Variants in CCDC148 observed in about 807,000 individuals in gnomAD.
CCDC148 encodes coiled-coil domain containing 148.
A neutral mutation model predicts 85.7 loss-of-function variants in CCDC148; 89 were observed. That is an observed-to-expected ratio of 1.04 (90% CI 0.87 to 1.24). CCDC148 has a LOEUF of 1.24. CCDC148 is among the 50% of genes most tolerant of loss of function. CCDC148 has a pLI of 0.00. For synonymous variants in CCDC148, 230 were observed against 213.9 expected, an observed-to-expected ratio of 1.08 and a Z score of -0.66; for missense variants, 692 against 671.7, an observed-to-expected ratio of 1.03 and a Z score of -0.33.
chr2:158,208,223 G>C (rs1686355812), intron 11 of CCDC148, among the ~76,000 whole-genome samples: 1 of 152,164 alleles, frequency 6.6e-6, no homozygotes, highest in Non-Finnish European at 1.5e-5. Context: ...GTACATTTTG[G>C]GTTGTAAAAG....
chr2:158,187,299 G>GTC (rs142519777), intron 11 of CCDC148, among the ~76,000 whole-genome samples: 44 of 150,716 alleles, frequency 2.9e-4, no homozygotes, highest in African/African-American at 5.3e-4. Flanking sequence ...TAATTCTTCA[G>GTC]TCTCTCTCTC....
intron 1 of CCDC148, among the ~76,000 whole-genome samples, chr2:158,407,093 T>C (rs1686060905): frequency 6.6e-6 from 1 of 152,100 alleles, no homozygotes. Flanking sequence ...ATCTCAACTC[T>C]AAGACCTTGA....
intron 8 of CCDC148, among the ~76,000 whole-genome samples, chr2:158,310,409 T>A (rs1240992837): frequency 2.0e-5 from 3 of 152,230 alleles, no homozygotes; most frequent in Admixed American, 6.5e-5. Context: ...GCCATCCTCA[T>A]CATGGCCCGT....
chr2:158,239,812 G>T (rs374897391), intron 10 of CCDC148, among the ~76,000 whole-genome samples: 4 of 151,902 alleles, frequency 2.6e-5, no homozygotes, highest in Admixed American at 6.6e-5. Context: ...TTACTTGGGA[G>T]TCTTGTCTAC....
intron 1 of CCDC148, among the ~76,000 whole-genome samples, chr2:158,441,790 C>T (rs1271317471): frequency 6.6e-6 from 1 of 151,994 alleles, no homozygotes; most frequent in African/African-American, 2.4e-5. Context: ...TTGATTTATC[C>T]AGATTTAATA....
intron 1 of CCDC148, among the ~76,000 whole-genome samples, chr2:158,417,189 T>C (rs142800009): frequency 9.2e-5 from 14 of 152,310 alleles, no homozygotes; most frequent in African/African-American, 3.4e-4. Flanking sequence ...GGGACACAAA[T>C]CCAAACTATA....
rs16842740 is a variant in CCDC148, at chr2:158,194,723, G to C, written c.1371-15727C>G. On this transcript the variant is annotated intron_variant, in intron 11 of 13. Transcript: ENST00000283233. ...CAACGAGATAGAAAATTGTTATAGT[G>C]ACCAGCCCCTTGGATATTGCTTTAT... 3.4e-3 allele frequency among the ~76,000 whole-genome samples: 513 copies of C among 152,230 alleles called. 2 individuals are homozygous for C. The highest frequency in any genetic ancestry group is 0.012 in the African/African-American group (479 of 41,548).
At chr2:158,224,350 G>T (rs1480980011) in intron 10 of CCDC148, among the ~76,000 whole-genome samples, 1 of 152,220 alleles carries the variant, frequency 6.6e-6, no homozygotes, top group Non-Finnish European at 1.5e-5. Context: ...TGGTGTACCT[G>T]AAAGTGATGG....
intron 7 of CCDC148, among the ~76,000 whole-genome samples, chr2:158,327,451 T>C (rs1317573390): frequency 6.6e-6 from 1 of 152,198 alleles, no homozygotes; most frequent in Non-Finnish European, 1.5e-5. Context: ...GAAGCTATAA[T>C]GTCAGAATAT....
intron 1 of CCDC148, among the ~76,000 whole-genome samples, chr2:158,403,559 A>T (rs1336088044): frequency 6.6e-6 from 1 of 152,030 alleles, no homozygotes; most frequent in Admixed American, 6.6e-5. Flanking sequence ...CCTGACAGAG[A>T]GCAGCTTTTC....
At chr2:158,341,596 T>G (rs1331404935) in intron 3 of CCDC148, among the ~76,000 whole-genome samples, 1 of 151,660 alleles carries the variant, frequency 6.6e-6, no homozygotes, top group Non-Finnish European at 1.5e-5. Flanking sequence ...ATTACAGGTG[T>G]GAGTCACCAC....
At chr2:158,423,582 C>A (rs1269461282) in intron 1 of CCDC148, among the ~76,000 whole-genome samples, 1 of 152,136 alleles carries the variant, frequency 6.6e-6, no homozygotes, top group Non-Finnish European at 1.5e-5. Context: ...GGATTAAAGA[C>A]TTAAATGTTA....
intron 9 of CCDC148, among the ~76,000 whole-genome samples, chr2:158,266,942 ATGTGTGTGTG>A (rs1379956771): frequency 6.7e-6 from 1 of 150,316 alleles, no homozygotes; most frequent in Non-Finnish European, 1.5e-5. Flanking sequence ...ACACATATAT[ATGTGTGTGTG>A]TATATATATA....
intron 11 of CCDC148, among the ~76,000 whole-genome samples, chr2:158,210,960 A>AT (rs1686543137): frequency 8.0e-6 from 1 of 124,542 alleles, no homozygotes; most frequent in Non-Finnish European, 1.8e-5. Flanking sequence ...CTCTGTCTCG[A>AT]AAAAAAAAAA....
At chr2:158,308,254 A>G (rs546920824) in intron 9 of CCDC148, among the ~76,000 whole-genome samples, 5 of 152,382 alleles carry the variant, frequency 3.3e-5, no homozygotes, top group Admixed American at 2.0e-4. Flanking sequence ...CAATTTCAGC[A>G]TAGCTCAACA....
At chr2:158,179,097 C>T in intron 11 of CCDC148, 101 bp from the exon 12 acceptor site, 1 of 673,592 alleles carries the variant, frequency 1.5e-6, no homozygotes, top group East Asian at 2.8e-5. Context: ...GAGGTAACAG[C>T]ACTGTCACAT....
intron 10 of CCDC148, among the ~76,000 whole-genome samples, chr2:158,240,064 G>T (rs964185525): frequency 2.6e-5 from 4 of 151,826 alleles, no homozygotes; most frequent in Non-Finnish European, 5.9e-5. Flanking sequence ...GTGGCCCTCA[G>T]CCAAGTGGGG....
chr2:158,237,038 G>A (rs1204419865), intron 10 of CCDC148, among the ~76,000 whole-genome samples: 2 of 152,152 alleles, frequency 1.3e-5, no homozygotes, highest in South Asian at 2.1e-4. Context: ...TGACATTTGT[G>A]CAGGACCCTG....
intron 9 of CCDC148, among the ~76,000 whole-genome samples, chr2:158,291,748 T>C (rs896710848): frequency 5.3e-5 from 8 of 152,250 alleles, no homozygotes; most frequent in African/African-American, 1.9e-4. Context: ...GATGAATTAC[T>C]CATCTCCAAA....
Sources: gnomAD v4.1 joint callset for allele counts (sites outside exome capture counted in the v4.1 genomes callset) on GRCh38, gnomAD v4.1.1 for gene constraint, MANE v1.5 for transcripts, NCBI Gene and HGNC (gene_info 2026-07-23, HGNC 2026-07-21) for gene names.